PTPRD: variants seen among roughly 807,000 people sequenced by gnomAD.
PTPRD encodes protein tyrosine phosphatase receptor type D.
A neutral mutation model predicts 214.5 loss-of-function variants in PTPRD; 34 were observed. The observed-to-expected ratio is 0.16, with a 90% CI of 0.12 to 0.21. The LOEUF (loss-of-function observed/expected upper bound fraction) is 0.21. Ranked by LOEUF, PTPRD falls within the 10% of genes least tolerant of loss-of-function variation. PTPRD has a pLI of 1.00. For synonymous variants in PTPRD, 1,128 were observed against 845.7 expected (o/e 1.33, Z -5.79); for missense variants, 2,545 against 2,398.7 (o/e 1.06, Z -1.27).
At chr9:9,616,873 G>C (rs1353200760) in intron 7 of PTPRD, among the ~76,000 whole-genome samples, 1 of 152,128 alleles carries the variant, frequency 6.6e-6, no homozygotes, top group African/African-American at 2.4e-5. Context: ...TATGGTCTGA[G>C]AGACTGTTTG....
At chr9:9,777,822 G>A (rs892561227) in intron 5 of PTPRD, among the ~76,000 whole-genome samples, 3 of 152,236 alleles carry the variant, frequency 2.0e-5, no homozygotes, top group African/African-American at 7.2e-5. Context: ...TGCATAAATT[G>A]TAAATTTCTA....
chr9:10,240,635 G>A (rs2099644302), intron 3 of PTPRD, among the ~76,000 whole-genome samples: 2 of 151,778 alleles, frequency 1.3e-5, no homozygotes, highest in African/African-American at 4.8e-5. Flanking sequence ...AAAACAATAT[G>A]TACAGAAGGA....
intron 10 of PTPRD, among the ~76,000 whole-genome samples, chr9:9,022,169 A>T (rs959325094): frequency 5.5e-5 from 8 of 144,704 alleles, no homozygotes; most frequent in African/African-American, 1.0e-4. Flanking sequence ...TGTAAAAAAA[A>T]ATGTTAGCTT....
chr9:10,589,779 A>T (rs1323695105), intron 2 of PTPRD, among the ~76,000 whole-genome samples: 2 of 152,078 alleles, frequency 1.3e-5, no homozygotes, highest in Non-Finnish European at 2.9e-5. Flanking sequence ...GAAAGCAAGC[A>T]TTAGAGGAGG....
At chr9:9,419,878 A>G (rs2078154268) in intron 8 of PTPRD, among the ~76,000 whole-genome samples, 4 of 151,784 alleles carry the variant, frequency 2.6e-5, no homozygotes, top group Admixed American at 2.6e-4. Flanking sequence ...ATAGATATAT[A>G]AAGCATTTTG....
intron 39 of PTPRD, among the ~76,000 whole-genome samples, chr9:8,351,300 C>T (rs1304543627): frequency 6.6e-6 from 1 of 151,882 alleles, no homozygotes; most frequent in Admixed American, 6.6e-5. Context: ...TGTTAATGCA[C>T]AAAACATGGT....
intron 39 of PTPRD, among the ~76,000 whole-genome samples, chr9:8,350,579 C>T (rs967301555): frequency 1.2e-4 from 19 of 152,076 alleles, no homozygotes; most frequent in African/African-American, 4.3e-4. Flanking sequence ...TGAAAACCTT[C>T]TTTCATTCTT....
chr9:9,481,904 A>G lies in PTPRD; in HGVS notation c.-236-84422T>C, dbSNP rs139270189. On this transcript the variant is annotated intron_variant, in intron 8 of 45. Transcript: ENST00000381196. ...GTCAGTTTTTATTGCATTTTATCTA[A>G]CCCAAAGAATCTTAATAGATAAAAA... 4.5e-3 allele frequency among the ~76,000 whole-genome samples: 687 copies of G among 152,280 alleles called. 8 individuals carry two copies. The highest frequency in any genetic ancestry group is 0.027 in the Middle Eastern group (8 of 294).
intron 7 of PTPRD, among the ~76,000 whole-genome samples, chr9:9,653,330 C>CA (rs1335545082): frequency 9.9e-6 from 1 of 101,470 alleles, no homozygotes; most frequent in Non-Finnish European, 1.7e-5. Context: ...GCCTGGGCGA[C>CA]AGAGCGAGAC....
intron 8 of PTPRD, among the ~76,000 whole-genome samples, chr9:9,437,736 T>A (rs1256555696): frequency 6.6e-6 from 1 of 152,176 alleles, no homozygotes; most frequent in Non-Finnish European, 1.5e-5. Context: ...AGCAGTGTGA[T>A]TTGACACGGG....
At chr9:8,782,596 C>CTTTT (rs35513651) in intron 11 of PTPRD, among the ~76,000 whole-genome samples, 2 of 117,364 alleles carry the variant, frequency 1.7e-5, no homozygotes, top group East Asian at 2.4e-4. Context: ...ATACTTAACG[C>CTTTT]TTTTTTTTTT....
intron 8 of PTPRD, among the ~76,000 whole-genome samples, chr9:9,436,893 A>AC (rs1569568312): frequency 6.6e-6 from 1 of 151,746 alleles, no homozygotes; most frequent in Non-Finnish European, 1.5e-5. Flanking sequence ...CTAAGGCAAA[A>AC]AAAAAAAGCC....
At chr9:10,522,314 A>C (rs2134233795) in intron 2 of PTPRD, among the ~76,000 whole-genome samples, 1 of 152,280 alleles carries the variant, frequency 6.6e-6, no homozygotes, top group South Asian at 2.1e-4. Flanking sequence ...ACAGCCCTCA[A>C]GTGTGTGGTG....
In PTPRD at chr9:8,500,566, A is replaced by G. The variant is rs1181679238; in HGVS notation, c.2128+188T>C. ...TTGAGATTGAAAAAAATGAAAAAAA[A>G]AAAAAAAAAAAAAAAAAAAAAAAAG... is the stretch of plus-strand genomic sequence containing the variant. On this transcript the variant is annotated intron_variant, in intron 24 of 45. Coordinates refer to ENST00000381196, the MANE Select transcript of PTPRD (RefSeq NM_002839.4). Among the ~76,000 whole-genome samples, 15 of 139,976 alleles carry G rather than the reference A, an allele frequency of 1.1e-4. No homozygotes were observed. In the South Asian group the frequency reaches 1.7e-3, roughly 15 times the overall value. The allele number at this position is 139,976 out of a possible 152,430, so 91.8% of individuals were successfully genotyped here. A position where few individuals can be genotyped will look rare whatever the true frequency, so the allele number is the denominator to read the frequency against.
chr9:10,548,192 A>G (rs899570023), intron 2 of PTPRD, among the ~76,000 whole-genome samples: 1 of 152,168 alleles, frequency 6.6e-6, no homozygotes, highest in Non-Finnish European at 1.5e-5. Context: ...AAGTGACAGA[A>G]ACTCATATAT....
intron 3 of PTPRD, among the ~76,000 whole-genome samples, chr9:10,164,841 A>C (rs897177011): frequency 6.6e-6 from 1 of 151,396 alleles, no homozygotes; most frequent in Non-Finnish European, 1.5e-5. Flanking sequence ...ATGACAGAAA[A>C]TCTAATGAGA....
intron 10 of PTPRD, among the ~76,000 whole-genome samples, chr9:9,148,761 A>G (rs981701177): frequency 3.9e-5 from 6 of 152,248 alleles, no homozygotes; most frequent in South Asian, 2.1e-4. Context: ...GAATAGCTCA[A>G]TGTACCATTG....
In PTPRD at chr9:10,251,820, G is replaced by T. The variant is rs145779214; in HGVS notation, c.-545+89143C>A. Among the ~76,000 whole-genome samples the T allele has an allele frequency of 1.9e-3, 295 of 152,272 alleles. 1 individual carries two copies. The South Asian group carries it at 0.027, about 14-fold the overall frequency. ...GGAATCTGAAAAAGTTGAACTCATAGAAATAGTAGAATGATGGTTACCAGA... is the reference window on the plus strand; with the variant it reads ...GGAATCTGAAAAAGTTGAACTCATATAAATAGTAGAATGATGGTTACCAGA... On this transcript the variant is annotated intron_variant, in intron 3 of 45. Transcript: ENST00000381196.
At chr9:10,270,462 A>G (rs572541727) in intron 3 of PTPRD, among the ~76,000 whole-genome samples, 66 of 152,316 alleles carry the variant, frequency 4.3e-4, no homozygotes, top group Admixed American at 4.2e-3. Flanking sequence ...TTTGCTTCCT[A>G]TAATTTTACA....
Sources: allele counts gnomAD v4.1 joint callset (sites outside exome capture counted in the v4.1 genomes callset), GRCh38; gene constraint gnomAD v4.1.1; transcripts MANE v1.5; gene names NCBI Gene and HGNC (gene_info 2026-07-23, HGNC 2026-07-21).